Variants in FARS2 observed in about 807,000 individuals in gnomAD.
The protein encoded by FARS2 is phenylalanyl-tRNA synthetase 2, mitochondrial, also known as phenylalanine--tRNA ligase, mitochondrial.
A neutral mutation model predicts 46.4 loss-of-function variants in FARS2; 40 were observed. The observed-to-expected ratio is 0.86, with a 90% CI of 0.67 to 1.12. The LOEUF (loss-of-function observed/expected upper bound fraction) is 1.12, where lower values mean the gene tolerates loss of function less well. Ranked by LOEUF, FARS2 falls within the 50% of genes most tolerant of loss-of-function variation. The probability of loss-of-function intolerance (pLI) is 0.00; values close to 1 mark genes in which losing one functional copy is unlikely to be tolerated. For missense variants in FARS2, 513 were observed against 567.9 expected (o/e 0.90, Z 0.98); for synonymous variants, 234 against 214.9 (o/e 1.09, Z -0.78).
intron 5 of FARS2, among the ~76,000 whole-genome samples, chr6:5,596,446 A>G (rs115712588): frequency 2.0e-5 from 3 of 152,342 alleles, no homozygotes; most frequent in Non-Finnish European, 4.4e-5. Flanking sequence ...CATATGTGAT[A>G]GTTTTTGGAG....
At chr6:5,683,780 C>T (rs1779155193) in intron 6 of FARS2, among the ~76,000 whole-genome samples, 2 of 152,088 alleles carry the variant, frequency 1.3e-5, no homozygotes, top group Non-Finnish European at 2.9e-5. Context: ...TGCCCTCTAC[C>T]TCTCGACAGG....
At chr6:5,402,572 T>C (rs889321059) in intron 2 of FARS2, among the ~76,000 whole-genome samples, 2 of 152,202 alleles carry the variant, frequency 1.3e-5, no homozygotes, top group Admixed American at 1.3e-4. Flanking sequence ...ATGCACACTT[T>C]AGTGGTTTAT....
At chr6:5,290,192 T>C (rs763324434) in intron 1 of FARS2, among the ~76,000 whole-genome samples, 15 of 152,222 alleles carry the variant, frequency 9.9e-5, no homozygotes, top group Admixed American at 2.0e-4. Context: ...TCAATGACAT[T>C]TTACCCCCAT....
chr6:5,652,694 G>A (rs907095457), intron 6 of FARS2, among the ~76,000 whole-genome samples: 1 of 152,218 alleles, frequency 6.6e-6, no homozygotes, highest in African/African-American at 2.4e-5. Context: ...GTTACCGTCC[G>A]TGGCCTTGTG....
At chr6:5,567,990 A>G (rs1208675437) in intron 5 of FARS2, among the ~76,000 whole-genome samples, 7 of 152,188 alleles carry the variant, frequency 4.6e-5, no homozygotes, top group African/African-American at 1.7e-4. Flanking sequence ...GTTACTCCTG[A>G]CATTCATCTT....
At chr6:5,697,713 C>A (rs569722762) in intron 6 of FARS2, among the ~76,000 whole-genome samples, 4 of 152,204 alleles carry the variant, frequency 2.6e-5, no homozygotes, top group African/African-American at 4.8e-5. Flanking sequence ...TGTTTTAATA[C>A]CTTGTTCACA....
chr6:5,701,067 A>C (rs901836777), intron 6 of FARS2, among the ~76,000 whole-genome samples: 1 of 152,254 alleles, frequency 6.6e-6, no homozygotes, highest in Non-Finnish European at 1.5e-5. Flanking sequence ...AAGGTATGAA[A>C]AGCCTGCTGC....
intron 6 of FARS2, among the ~76,000 whole-genome samples, chr6:5,733,585 T>G (rs192564419): frequency 6.6e-6 from 1 of 152,246 alleles, no homozygotes; most frequent in African/African-American, 2.4e-5. Context: ...TGCCTTGCCC[T>G]AATTTTAATC....
chr6:5,494,694 A>G (rs376111792), intron 4 of FARS2, among the ~76,000 whole-genome samples: 6 of 152,138 alleles, frequency 3.9e-5, no homozygotes, highest in East Asian at 3.9e-4. Flanking sequence ...ATCCTTCTTT[A>G]TCATTCCCAT....
At chr6:5,650,986 G>C (rs1777331829) in intron 6 of FARS2, among the ~76,000 whole-genome samples, 1 of 152,174 alleles carries the variant, frequency 6.6e-6, no homozygotes, top group Non-Finnish European at 1.5e-5. Flanking sequence ...TAAGATGTAG[G>C]GTTAATAGAC....
At chr6:5,358,336 T>G (rs528590307) in intron 1 of FARS2, among the ~76,000 whole-genome samples, 10 of 152,266 alleles carry the variant, frequency 6.6e-5, no homozygotes, top group African/African-American at 2.2e-4. Flanking sequence ...TATAAAATTC[T>G]TTTAAATGCT....
Position 5,581,410 on chromosome 6 carries a change from AAC to A in FARS2, c.1066-31757_1066-31756del. ...GTTATATTTTGCTTTTACATAAAAA[AAC>A]AAAGTCTGTCATATGTCTAGCCGGC... On this transcript the variant is annotated intron_variant, in intron 5 of 6. Coordinates refer to ENST00000274680, the MANE Select transcript of FARS2 (RefSeq NM_006567.5). Among the ~76,000 whole-genome samples the A allele has an allele frequency of 2.6e-5, 4 of 152,366 alleles. No individual in the cohort carries two copies. The South Asian group carries it at 8.3e-4, about 32-fold the overall frequency.
At chr6:5,740,126 G>A (rs977960446) in intron 6 of FARS2, among the ~76,000 whole-genome samples, 1 of 152,174 alleles carries the variant, frequency 6.6e-6, no homozygotes, top group Non-Finnish European at 1.5e-5. Context: ...ACATACAGTG[G>A]CATCTGTCTG....
intron 4 of FARS2, among the ~76,000 whole-genome samples, chr6:5,525,038 A>G (rs1426152424): frequency 6.6e-6 from 1 of 152,020 alleles, no homozygotes; most frequent in East Asian, 1.9e-4. Context: ...GGAATGGCCA[A>G]TAAATAGGCC....
intron 1 of FARS2, among the ~76,000 whole-genome samples, chr6:5,367,126 G>A (rs1410485228): frequency 6.6e-6 from 1 of 152,236 alleles, no homozygotes; most frequent in African/African-American, 2.4e-5. Flanking sequence ...TCAACTTGCA[G>A]CTAGATTTCC....
At chr6:5,572,061 G>T (rs923714839) in intron 5 of FARS2, among the ~76,000 whole-genome samples, 1 of 152,140 alleles carries the variant, frequency 6.6e-6, no homozygotes, top group Non-Finnish European at 1.5e-5. Flanking sequence ...TGGACATGTT[G>T]TTTTCATGTT....
At chr6:5,504,262 G>C (rs566845690) in intron 4 of FARS2, among the ~76,000 whole-genome samples, 2 of 152,068 alleles carry the variant, frequency 1.3e-5, no homozygotes, top group East Asian at 3.9e-4. Context: ...AGTTGAAAAG[G>C]CTTATAATAT....
intron 2 of FARS2, among the ~76,000 whole-genome samples, chr6:5,377,010 C>G (rs1759424657): frequency 6.6e-6 from 1 of 152,140 alleles, no homozygotes; most frequent in African/African-American, 2.4e-5. Flanking sequence ...TTTTTAGGAG[C>G]ATAGAAGGAT....
chr6:5,494,273 C>A (rs1381692692), intron 4 of FARS2, among the ~76,000 whole-genome samples: 1 of 151,984 alleles, frequency 6.6e-6, no homozygotes, highest in Non-Finnish European at 1.5e-5. Context: ...AACCATAATA[C>A]CTTCAAAGAA....
Sources: gnomAD v4.1 joint callset for allele counts (sites outside exome capture counted in the v4.1 genomes callset) on GRCh38, gnomAD v4.1.1 for gene constraint, MANE v1.5 for transcripts, NCBI Gene and HGNC (gene_info 2026-07-23, HGNC 2026-07-21) for gene names.